Variants in SGMS1 observed in about 807,000 individuals in gnomAD.
SGMS1 encodes the protein phosphatidylcholine:ceramide cholinephosphotransferase 1.
SGMS1 carries 13 observed loss-of-function variants against 46.2 expected under a neutral mutation model. The observed-to-expected ratio is 0.28, with a 90% CI of 0.18 to 0.45. SGMS1 has a LOEUF of 0.45. Among genes scored for constraint, SGMS1 ranks in the 20% least tolerant of loss-of-function variants. The probability of loss-of-function intolerance (pLI) is 1.00; values close to 1 mark genes in which losing one functional copy is unlikely to be tolerated. For missense variants in SGMS1, 324 were observed against 519.9 expected, an observed-to-expected ratio of 0.62 and a Z score of 3.66; for synonymous variants, 203 against 187.8, an observed-to-expected ratio of 1.08 and a Z score of -0.66.
chr10:50,347,462 G>A (rs1392390076), intron 6 of SGMS1, among the ~76,000 whole-genome samples: 1 of 152,142 alleles, frequency 6.6e-6, no homozygotes, highest in African/African-American at 2.4e-5. Flanking sequence ...CACCAGTACT[G>A]CCCAGAGAGT....
chr10:50,594,646 T>C (rs1195027805), intron 1 of SGMS1, among the ~76,000 whole-genome samples: 1 of 152,246 alleles, frequency 6.6e-6, no homozygotes, highest in Non-Finnish European at 1.5e-5. Flanking sequence ...ATCCAGTTTC[T>C]TAGATGAAAA....
intron 5 of SGMS1, among the ~76,000 whole-genome samples, chr10:50,437,562 A>G (rs1849491264): frequency 6.6e-6 from 1 of 152,222 alleles, no homozygotes; most frequent in South Asian, 2.1e-4. Flanking sequence ...ACTAACTAAG[A>G]CACAGGCCAG....
chr10:50,356,877 T>C (rs543140589), intron 6 of SGMS1, among the ~76,000 whole-genome samples: 15 of 151,300 alleles, frequency 9.9e-5, no homozygotes, highest in Admixed American at 8.5e-4. Flanking sequence ...TGAGATCACA[T>C]GGACACAGGA....
At chr10:50,390,210 T>A (rs1399091587) in intron 6 of SGMS1, among the ~76,000 whole-genome samples, 2 of 152,204 alleles carry the variant, frequency 1.3e-5, no homozygotes, top group African/African-American at 4.8e-5. Context: ...CGTCACTAAA[T>A]CAAATGCATA....
In SGMS1 at chr10:50,414,346, T is replaced by A. The variant is rs532911396; in HGVS notation, c.-232+19130A>T. Among the ~76,000 whole-genome samples, 14 of 152,310 alleles carry A rather than the reference T, an allele frequency of 9.2e-5. No homozygotes were observed. The South Asian group carries it at 2.9e-3, about 32-fold the overall frequency. On this transcript the variant is annotated intron_variant, in intron 6 of 10. Transcript: ENST00000361781. ...TTGAGGTTGCAGTGAGTCGAGATCATGATGCTGCACTCCAGCCTGGGCAAC... is the reference window on the plus strand; with the variant it reads ...TTGAGGTTGCAGTGAGTCGAGATCAAGATGCTGCACTCCAGCCTGGGCAAC...
Position 50,308,042 on chromosome 10 carries a change from C to T in SGMS1, c.1002G>A (p.Val334=), listed in dbSNP as rs777199357. 1 of 1,613,962 alleles carries T rather than the reference C, an allele frequency of 6.2e-7. No individual in the cohort carries two copies. Among genetic ancestry groups the T allele is most frequent in the South Asian group, 1.1e-5 (1 of 91,066 alleles). The change falls in exon 10 of 11, where the codon GTG becomes GTA. Residue 334 remains valine (V), a synonymous_variant. Coordinates refer to ENST00000361781, the MANE Select transcript of SGMS1 (RefSeq NM_147156.4). The part of the protein sequence containing the change: ...LAHDHYTVDV[V]VAYYITTRLF... ...GTCTCGTGGTGATGTAATATGCCAC[C>T]ACCACGTCCACAGTGTAGTGGTCAT... is the stretch of plus-strand genomic sequence containing the variant.
intron 5 of SGMS1, among the ~76,000 whole-genome samples, chr10:50,438,948 C>A (rs189173196): frequency 1.3e-5 from 2 of 152,144 alleles, no homozygotes; most frequent in African/African-American, 2.4e-5. Context: ...ACTCAACATG[C>A]GAAACATGAC....
chr10:50,335,216 T>C (rs1363359263), intron 7 of SGMS1: 3 of 151,704 alleles, frequency 2.0e-5, no homozygotes, highest in African/African-American at 7.3e-5. Flanking sequence ...AGTCCAGGAG[T>C]TCCACACTAC....
chr10:50,375,095 G>T (rs1480517525), intron 6 of SGMS1, among the ~76,000 whole-genome samples: 1 of 152,044 alleles, frequency 6.6e-6, no homozygotes, highest in Admixed American at 6.6e-5. Context: ...CACAGGTTAG[G>T]TTAGGGAGCC....
chr10:50,361,352 A>C (rs1338062122), intron 6 of SGMS1, among the ~76,000 whole-genome samples: 2 of 152,008 alleles, frequency 1.3e-5, no homozygotes, highest in Admixed American at 6.6e-5. Context: ...CCCCAGGATT[A>C]AGCAAGCATA....
chr10:50,369,880 G>A (rs1848407762), intron 6 of SGMS1, among the ~76,000 whole-genome samples: 1 of 152,150 alleles, frequency 6.6e-6, no homozygotes, highest in African/African-American at 2.4e-5. Context: ...AAACCTAGAT[G>A]GTGTAACCTA....
At chr10:50,427,769 A>G (rs1355131839) in intron 6 of SGMS1, among the ~76,000 whole-genome samples, 1 of 152,206 alleles carries the variant, frequency 6.6e-6, no homozygotes, top group Non-Finnish European at 1.5e-5. Flanking sequence ...GGCTGGGTCC[A>G]GGGCTTGGGT....
At chr10:50,446,196 T>C (rs1203388) in intron 5 of SGMS1, among the ~76,000 whole-genome samples, 85,253 of 151,956 alleles carry the variant, frequency 0.56, 24,254 homozygotes, top group Non-Finnish European at 0.59. Context: ...TGCCTTGTGA[T>C]ATTTTATTAC....
At chr10:50,618,138 T>C (rs1485503778) in intron 1 of SGMS1, among the ~76,000 whole-genome samples, 2 of 152,176 alleles carry the variant, frequency 1.3e-5, no homozygotes, top group Non-Finnish European at 2.9e-5. Flanking sequence ...TAATAGATGA[T>C]TTAGGAAAAC....
chr10:50,573,685 C>T (rs1308394959), intron 2 of SGMS1, among the ~76,000 whole-genome samples: 2 of 151,962 alleles, frequency 1.3e-5, no homozygotes, highest in African/African-American at 4.8e-5. Context: ...TTGTATGAAA[C>T]CACAAAAGGC....
chr10:50,464,062 G>A (rs1837300088), intron 4 of SGMS1, among the ~76,000 whole-genome samples: 1 of 152,178 alleles, frequency 6.6e-6, no homozygotes, highest in East Asian at 1.9e-4. Flanking sequence ...TGTTCAATGG[G>A]TATAGAGTTT....
chr10:50,560,333 TTAA>T lies in SGMS1; in HGVS notation c.-589+29817_-589+29819del, dbSNP rs561693224. On this transcript the variant is annotated intron_variant, in intron 2 of 10. Transcript: ENST00000361781. ...TACATATTATTAATATTATATATTA[TTAA>T]TATTATTAATAATATATATTATAAT... 8.5e-3 allele frequency among the ~76,000 whole-genome samples: 1,167 copies of T among 138,016 alleles called. 13 individuals are homozygous for T. The highest frequency in any genetic ancestry group is 0.027 in the African/African-American group (1,032 of 37,624). The allele number at this position is 138,016 out of a possible 152,430, so 90.5% of individuals were successfully genotyped here.
intron 6 of SGMS1, among the ~76,000 whole-genome samples, chr10:50,358,759 A>C (rs1385141188): frequency 1.3e-5 from 2 of 152,222 alleles, no homozygotes; most frequent in East Asian, 3.8e-4. Flanking sequence ...AATACTCATG[A>C]GATAGGTGTT....
intron 7 of SGMS1, among the ~76,000 whole-genome samples, chr10:50,329,123 G>C (rs568103494): frequency 1.1e-4 from 16 of 152,186 alleles, no homozygotes; most frequent in South Asian, 8.3e-4. Flanking sequence ...AAATCACTTT[G>C]CCTGATTATT....
Sources: allele counts gnomAD v4.1 joint callset (sites outside exome capture counted in the v4.1 genomes callset), GRCh38; gene constraint gnomAD v4.1.1; transcripts MANE v1.5; gene names NCBI Gene and HGNC (gene_info 2026-07-23, HGNC 2026-07-21).